TBL1XR1: variants seen among roughly 807,000 people sequenced by gnomAD.
The protein encoded by TBL1XR1 is F-box-like/WD repeat-containing protein TBL1XR1.
A neutral mutation model predicts 66.9 loss-of-function variants in TBL1XR1; 5 were observed. That is an observed-to-expected ratio of 0.07 (90% CI 0.04 to 0.16). The LOEUF (loss-of-function observed/expected upper bound fraction) is 0.16, where lower values mean the gene tolerates loss of function less well. TBL1XR1 is among the 10% of genes least tolerant of loss of function. TBL1XR1 has a pLI of 1.00. For missense variants in TBL1XR1, 238 were observed against 623.2 expected (o/e 0.38, Z 6.58); for synonymous variants, 210 against 206.0 (o/e 1.02, Z -0.17).
At chr3:177,054,428 CATAATATGCTTT>C (rs1234415029) in intron 3 of TBL1XR1, among the ~76,000 whole-genome samples, 1 of 152,084 alleles carries the variant, frequency 6.6e-6, no homozygotes, top group African/African-American at 2.4e-5. Context: ...AAGTGGTACA[CATAATATGCTTT>C]AAATAGGAAT....
intron 1 of TBL1XR1, chr3:177,131,567 G>C (rs1234192370): frequency 5.1e-6 from 1 of 196,922 alleles, no homozygotes; most frequent in Non-Finnish European, 8.9e-6. Flanking sequence ...CTGGAGTGCA[G>C]TGGCGTGATC....
chr3:177,191,281 T>C (rs530818938), intron 1 of TBL1XR1, among the ~76,000 whole-genome samples: 1 of 152,288 alleles, frequency 6.6e-6, no homozygotes, highest in East Asian at 1.9e-4. Flanking sequence ...AATTACACTG[T>C]CAGTAGTTAC....
intron 1 of TBL1XR1, among the ~76,000 whole-genome samples, chr3:177,134,956 T>TGTGTGTGTGTGC (rs1458025189): frequency 7.4e-6 from 1 of 135,642 alleles, no homozygotes; most frequent in African/African-American, 2.7e-5. Context: ...TGTGTGTGTG[T>TGTGTGTGTGTGC]GTGTGTGTGT....
chr3:177,071,031 G>GTTTCTTTTTTT (rs1719914768), intron 2 of TBL1XR1, among the ~76,000 whole-genome samples: 1 of 104,716 alleles, frequency 9.5e-6, no homozygotes, highest in Non-Finnish European at 1.8e-5. Flanking sequence ...CTGAGAATCT[G>GTTTCTTTTTTT]TTTTTTTTTT....
At chr3:177,114,454 A>G (rs1265826829) in intron 1 of TBL1XR1, among the ~76,000 whole-genome samples, 1 of 151,958 alleles carries the variant, frequency 6.6e-6, no homozygotes, top group Non-Finnish European at 1.5e-5. Context: ...GTAGCTGCCC[A>G]GCAAGACCAG....
At chr3:177,035,818 C>T (rs988498343) in intron 12 of TBL1XR1, among the ~76,000 whole-genome samples, 5 of 152,218 alleles carry the variant, frequency 3.3e-5, no homozygotes, top group South Asian at 2.1e-4. Context: ...TGAGGGTGTC[C>T]GAGCCATTTA....
chr3:177,189,699 G>GTCAATTAC (rs1735892819), intron 1 of TBL1XR1, among the ~76,000 whole-genome samples: 2 of 146,988 alleles, frequency 1.4e-5, no homozygotes, highest in Admixed American at 1.3e-4. Flanking sequence ...TGCCTTTATA[G>GTCAATTAC]TCAATTACCC....
chr3:177,094,949 A>G (rs184709643), intron 2 of TBL1XR1, among the ~76,000 whole-genome samples: 1 of 152,244 alleles, frequency 6.6e-6, no homozygotes, highest in Admixed American at 6.5e-5. Flanking sequence ...ACCACCACCT[A>G]TTCCCCCAAA....
intron 10 of TBL1XR1, among the ~76,000 whole-genome samples, chr3:177,042,874 A>G (rs1715783530): frequency 6.6e-6 from 1 of 152,122 alleles, no homozygotes; most frequent in Non-Finnish European, 1.5e-5. Context: ...GAATGAACCT[A>G]TGAGCGAAGA....
chr3:177,057,054 CA>C (rs1404907721), intron 3 of TBL1XR1, among the ~76,000 whole-genome samples: 2 of 152,180 alleles, frequency 1.3e-5, no homozygotes, highest in Non-Finnish European at 2.9e-5. Flanking sequence ...TTATGGCACA[CA>C]GTTGTTTCTG....
chr3:177,119,286 TAAAAG>T (rs1426472066), intron 1 of TBL1XR1, among the ~76,000 whole-genome samples: 7 of 152,316 alleles, frequency 4.6e-5, no homozygotes, highest in African/African-American at 9.6e-5. Flanking sequence ...AATCAGGTTT[TAAAAG>T]AAAAGAAACC....
intron 1 of TBL1XR1, among the ~76,000 whole-genome samples, chr3:177,114,672 A>T (rs1726082386): frequency 6.6e-6 from 1 of 150,752 alleles, no homozygotes; most frequent in African/African-American, 2.5e-5. Context: ...TTTTAAAATT[A>T]AAAAGAAAAA....
chr3:177,064,985 C>G lies in TBL1XR1; in HGVS notation c.-8G>C. The G allele has an allele frequency of 2.6e-6, 4 of 1,528,638 alleles. No homozygotes were observed. Among genetic ancestry groups the G allele is most frequent in the Non-Finnish European group, 3.5e-6 (4 of 1,139,750 alleles). 94.7% of individuals were successfully genotyped at this position (1,528,638 alleles called of 1,614,324 possible). ...ATCACTGCTTATACTCATCTTTATT[C>G]CCACTTAAACCATGAGGTCACAACA... On this transcript the variant is annotated 5_prime_UTR_variant, in exon 3 of 16. Coordinates refer to ENST00000457928, the MANE Select transcript of TBL1XR1 (RefSeq NM_024665.7).
At chr3:177,187,078 A>T (rs1181472835) in intron 1 of TBL1XR1, among the ~76,000 whole-genome samples, 9 of 150,472 alleles carry the variant, frequency 6.0e-5, no homozygotes, top group Non-Finnish European at 1.3e-4. Flanking sequence ...GAGGCAGGAG[A>T]ATGGCATGAA....
intron 1 of TBL1XR1, among the ~76,000 whole-genome samples, chr3:177,184,646 A>G (rs1735198807): frequency 6.6e-6 from 1 of 152,110 alleles, no homozygotes; most frequent in African/African-American, 2.4e-5. Context: ...TACTAAAAAT[A>G]CAAAATTAGC....
chr3:177,174,651 A>C (rs1459426162), intron 1 of TBL1XR1, among the ~76,000 whole-genome samples: 1 of 151,982 alleles, frequency 6.6e-6, no homozygotes, highest in Non-Finnish European at 1.5e-5. Flanking sequence ...TCTCTTATGA[A>C]TCTCCAATTG....
intron 1 of TBL1XR1, among the ~76,000 whole-genome samples, chr3:177,190,133 CAAAAAAAAAAAAAAAAAA>C (rs548783302): frequency 2.9e-5 from 2 of 69,394 alleles, no homozygotes; most frequent in African/African-American, 1.3e-4. Context: ...AACTCCATCT[CAAAAAAAAAAAAAAAAAA>C]AAAAAAAAAA....
chr3:177,113,983 C>G (rs1229607294), intron 1 of TBL1XR1, among the ~76,000 whole-genome samples: 2 of 152,086 alleles, frequency 1.3e-5, no homozygotes. Context: ...TATGATCCAG[C>G]AATCCCACTA....
At chr3:177,090,158 C>T (rs113366943) in intron 2 of TBL1XR1, among the ~76,000 whole-genome samples, 16 of 152,282 alleles carry the variant, frequency 1.1e-4, no homozygotes, top group African/African-American at 3.9e-4. Context: ...AAGACTATCT[C>T]TATGTCCTGC....
Sources: allele counts gnomAD v4.1 joint callset (sites outside exome capture counted in the v4.1 genomes callset), GRCh38; gene constraint gnomAD v4.1.1; transcripts MANE v1.5; gene names NCBI Gene and HGNC (gene_info 2026-07-23, HGNC 2026-07-21).